Variants in NTM observed in about 807,000 individuals in gnomAD.
The protein encoded by NTM is neurotrimin.
Under a neutral mutation model 42.1 loss-of-function variants are expected in NTM, and 13 were observed. The observed-to-expected ratio is 0.31, with a 90% CI of 0.20 to 0.49. NTM has a LOEUF of 0.49. Ranked by LOEUF, NTM falls within the 20% of genes least tolerant of loss-of-function variation. NTM has a pLI of 0.99. For synonymous variants in NTM, 187 were observed against 179.2 expected, an observed-to-expected ratio of 1.04 and a Z score of -0.35; for missense variants, 373 against 452.8, an observed-to-expected ratio of 0.82 and a Z score of 1.60.
At chr11:131,550,019 T>C (rs1409311581) in intron 1 of NTM, among the ~76,000 whole-genome samples, 2 of 152,106 alleles carry the variant, frequency 1.3e-5, no homozygotes, top group Non-Finnish European at 2.9e-5. Context: ...TTTACATTGC[T>C]CAGGGGAGGC....
chr11:131,489,035 A>T (rs1954487144), intron 1 of NTM, among the ~76,000 whole-genome samples: 3 of 152,226 alleles, frequency 2.0e-5, no homozygotes, highest in African/African-American at 7.2e-5. Flanking sequence ...TGTGATTAGC[A>T]TCAAGCTCTG....
At chr11:132,010,408 C>G (rs1258266337) in intron 2 of NTM, among the ~76,000 whole-genome samples, 1 of 152,190 alleles carries the variant, frequency 6.6e-6, no homozygotes, top group African/African-American at 2.4e-5. Context: ...CAGTCCCTGG[C>G]TGCTCTTCCC....
intron 7 of NTM, among the ~76,000 whole-genome samples, chr11:132,319,910 G>T (rs1406249969): frequency 6.6e-6 from 1 of 152,162 alleles, no homozygotes; most frequent in Admixed American, 6.5e-5. Flanking sequence ...GTACTCCTCT[G>T]AGACAAACTT....
intron 4 of NTM, among the ~76,000 whole-genome samples, chr11:132,244,826 G>C (rs2139275503): frequency 6.6e-6 from 1 of 152,356 alleles, no homozygotes; most frequent in East Asian, 1.9e-4. Flanking sequence ...CCGGCTCACT[G>C]CACAGATTGC....
intron 1 of NTM, among the ~76,000 whole-genome samples, chr11:131,734,608 T>C (rs1300565754): frequency 6.6e-6 from 1 of 152,168 alleles, no homozygotes; most frequent in African/African-American, 2.4e-5. Flanking sequence ...CAGCTATCCC[T>C]GTGCTCGTAT....
At chr11:132,318,683 C>T (rs1001536557) in intron 7 of NTM, among the ~76,000 whole-genome samples, 1 of 152,274 alleles carries the variant, frequency 6.6e-6, no homozygotes, top group East Asian at 1.9e-4. Flanking sequence ...CAGTGCTGAC[C>T]ACAGCAGTAG....
At chr11:132,163,517 G>C (rs748314534) in intron 3 of NTM, among the ~76,000 whole-genome samples, 1 of 152,246 alleles carries the variant, frequency 6.6e-6, no homozygotes. Flanking sequence ...AGCCCTGTGC[G>C]ATAGATGCTG....
At position 131,499,104 on chromosome 11, in the gene NTM, C is replaced by T. The variant is rs557671165; in HGVS notation, c.82+128216C>T. ...CAGTGATTATGACAGCTCTCGGAGCCTGGAAGACATTATGACCACTAAGCG... is the reference window on the plus strand; with the variant it reads ...CAGTGATTATGACAGCTCTCGGAGCTTGGAAGACATTATGACCACTAAGCG... On this transcript the variant is annotated intron_variant, in intron 1 of 8. Transcript: ENST00000683400. 3.3e-5 allele frequency among the ~76,000 whole-genome samples: 5 copies of T among 152,248 alleles called. No individual in the cohort carries two copies. In the South Asian group the frequency reaches 1.0e-3, roughly 32 times the overall value.
intron 1 of NTM, among the ~76,000 whole-genome samples, chr11:131,895,307 T>C (rs1171637266): frequency 6.6e-6 from 1 of 152,174 alleles, no homozygotes; most frequent in South Asian, 2.1e-4. Context: ...GAAGTAACCA[T>C]ACATTTCACC....
At chr11:132,038,390 T>C (rs897131521) in intron 2 of NTM, among the ~76,000 whole-genome samples, 3 of 152,072 alleles carry the variant, frequency 2.0e-5, no homozygotes, top group African/African-American at 7.2e-5. Context: ...TTGAGGACAG[T>C]TTGGTTCCTC....
intron 2 of NTM, among the ~76,000 whole-genome samples, chr11:131,946,589 T>C (rs1048011985): frequency 1.3e-5 from 2 of 152,232 alleles, no homozygotes; most frequent in Non-Finnish European, 2.9e-5. Flanking sequence ...GAACTTTATC[T>C]TTCTTCTCCA....
intron 1 of NTM, among the ~76,000 whole-genome samples, chr11:131,670,531 C>A (rs2069984128): frequency 1.3e-5 from 2 of 152,302 alleles, no homozygotes; most frequent in Middle Eastern, 3.4e-3. Flanking sequence ...AAGCAGGGCT[C>A]CGCTGGAGCT....
chr11:131,434,761 T>C (rs1470260655), intron 1 of NTM, among the ~76,000 whole-genome samples: 1 of 152,244 alleles, frequency 6.6e-6, no homozygotes, highest in Non-Finnish European at 1.5e-5. Flanking sequence ...CTGATGGTAG[T>C]TTATTTCACT....
intron 1 of NTM, chr11:131,660,189 G>C (rs2472253): frequency 0.86 from 216,742 of 251,476 alleles, 93,567 homozygotes; most frequent in African/African-American, 0.9. Flanking sequence ...GTAGGACTCG[G>C]GTGGGCCAGT....
At chr11:131,852,855 CATCT>C (rs2045706232) in intron 1 of NTM, among the ~76,000 whole-genome samples, 2 of 149,604 alleles carry the variant, frequency 1.3e-5, no homozygotes, top group African/African-American at 5.0e-5. Flanking sequence ...TCCACCCATC[CATCT>C]ATCCATCCAT....
chr11:132,277,850 C>T (rs1463592663), intron 4 of NTM, among the ~76,000 whole-genome samples: 1 of 152,064 alleles, frequency 6.6e-6, no homozygotes, highest in Admixed American at 6.5e-5. Flanking sequence ...AAAAATCCAT[C>T]CTCTGTGCTA....
At chr11:131,829,404 T>G (rs1339698443) in intron 1 of NTM, among the ~76,000 whole-genome samples, 1 of 152,182 alleles carries the variant, frequency 6.6e-6, no homozygotes, top group Non-Finnish European at 1.5e-5. Flanking sequence ...GAGTACCCAA[T>G]GTTTAGGTGT....
chr11:131,752,898 A>T (rs1301892017), intron 1 of NTM, among the ~76,000 whole-genome samples: 1 of 152,222 alleles, frequency 6.6e-6, no homozygotes, highest in African/African-American at 2.4e-5. Context: ...ATGGGATCTA[A>T]TTAAACTAAA....
chr11:131,575,845 T>C (rs372791589), intron 1 of NTM, among the ~76,000 whole-genome samples: 4 of 152,332 alleles, frequency 2.6e-5, no homozygotes, highest in African/African-American at 9.6e-5. Context: ...TGGAAGCTCC[T>C]GCTCTCTCCA....
Sources: allele counts gnomAD v4.1 joint callset (sites outside exome capture counted in the v4.1 genomes callset), GRCh38; gene constraint gnomAD v4.1.1; transcripts MANE v1.5; gene names NCBI Gene and HGNC (gene_info 2026-07-23, HGNC 2026-07-21).